The following RBFOX1 variants were observed in gnomAD, a reference collection of about 807,000 sequenced individuals.
The protein encoded by RBFOX1 is RNA binding fox-1 homolog 1.
Under a neutral mutation model 57.7 loss-of-function variants are expected in RBFOX1, and 8 were observed. The observed-to-expected ratio is 0.14, with a 90% CI of 0.08 to 0.25. RBFOX1 has a LOEUF of 0.25. RBFOX1 is among the 10% of genes least tolerant of loss of function. The pLI, the probability that RBFOX1 is intolerant of heterozygous loss-of-function variation, is 1.00. For missense variants in RBFOX1, 611 were observed against 548.5 expected (o/e 1.11, Z -1.14); for synonymous variants, 326 against 222.4 (o/e 1.47, Z -4.15).
chr16:6,634,225 C>T (rs1237827312), intron 2 of RBFOX1, among the ~76,000 whole-genome samples: 1 of 152,082 alleles, frequency 6.6e-6, no homozygotes, highest in Non-Finnish European at 1.5e-5. Context: ...ATTCACTCTT[C>T]CATTAAAAAA....
intron 11 of RBFOX1, among the ~76,000 whole-genome samples, chr16:7,641,522 A>G (rs1259733296): frequency 1.3e-5 from 2 of 152,228 alleles, no homozygotes; most frequent in Non-Finnish European, 2.9e-5. Flanking sequence ...TTTTGTTTGT[A>G]TGCAACATAG....
chr16:5,422,264 G>A (rs2067354796), intron 1 of RBFOX1, among the ~76,000 whole-genome samples: 1 of 139,384 alleles, frequency 7.2e-6, no homozygotes, highest in South Asian at 2.4e-4. Flanking sequence ...GGGAGGAGGA[G>A]CAGGGAGAGG....
In RBFOX1 at chr16:5,243,820, C is replaced by T. The variant is rs138015997; in HGVS notation, c.219+3715C>T. Among the ~76,000 whole-genome samples the T allele has an allele frequency of 2.2e-4, 33 of 152,244 alleles. No homozygotes were observed. In the East Asian group the frequency reaches 6.0e-3, roughly 28 times the overall value. The stretch of plus-strand genomic sequence containing the variant: ...CTATAAAATGGAGATAAATGAGATA[C>T]ACTTTCATAGGAAGGTTATATGGGA... On this transcript the variant is annotated intron_variant, in intron 1 of 2. Transcript: ENST00000585867.
intron 2 of RBFOX1, among the ~76,000 whole-genome samples, chr16:6,350,648 C>T (rs924363927): frequency 6.6e-6 from 1 of 152,144 alleles, no homozygotes; most frequent in Non-Finnish European, 1.5e-5. Flanking sequence ...TTTTAAATCA[C>T]TTCTCTGTTG....
intron 3 of RBFOX1, among the ~76,000 whole-genome samples, chr16:6,753,704 G>A (rs1338622519): frequency 6.8e-6 from 1 of 146,244 alleles, no homozygotes. Flanking sequence ...CCCTCCTCCT[G>A]TCTTGTGTCT....
intron 3 of RBFOX1, among the ~76,000 whole-genome samples, chr16:6,674,380 G>A (rs990953174): frequency 2.0e-5 from 3 of 151,720 alleles, no homozygotes; most frequent in Admixed American, 6.6e-5. Flanking sequence ...GGAGTGCAAT[G>A]GTGCGATCTC....
At chr16:6,947,985 G>A (rs550872999) in intron 3 of RBFOX1, among the ~76,000 whole-genome samples, 1 of 152,064 alleles carries the variant, frequency 6.6e-6, no homozygotes, top group Non-Finnish European at 1.5e-5. Flanking sequence ...TATCACGTTT[G>A]CCAGGTTGGT....
chr16:7,317,672 C>T (rs1258005897), intron 4 of RBFOX1, among the ~76,000 whole-genome samples: 1 of 152,284 alleles, frequency 6.6e-6, no homozygotes, highest in Non-Finnish European at 1.5e-5. Context: ...CCCGCTGCCT[C>T]CAGCCACAGG....
chr16:7,690,227 C>G (rs544608872), intron 14 of RBFOX1, among the ~76,000 whole-genome samples: 2 of 152,136 alleles, frequency 1.3e-5, no homozygotes, highest in African/African-American at 2.4e-5. Context: ...ATCACTGGCA[C>G]TCTCTTAACC....
chr16:6,673,155 A>C (rs776839723), intron 3 of RBFOX1, among the ~76,000 whole-genome samples: 1 of 152,182 alleles, frequency 6.6e-6, no homozygotes, highest in Non-Finnish European at 1.5e-5. Flanking sequence ...AGTGATGTCT[A>C]CACTTCCCAG....
chr16:7,043,333 T>C (rs1242782896), intron 3 of RBFOX1, among the ~76,000 whole-genome samples: 2 of 152,172 alleles, frequency 1.3e-5, no homozygotes, highest in Non-Finnish European at 2.9e-5. Flanking sequence ...TCCCCTGTCT[T>C]TTTTAAATAA....
chr16:6,743,510 G>A (rs1002071201), intron 3 of RBFOX1, among the ~76,000 whole-genome samples: 3 of 152,284 alleles, frequency 2.0e-5, no homozygotes, highest in East Asian at 3.9e-4. Context: ...GGGAGGCCAA[G>A]GCAGGAGGAT....
intron 3 of RBFOX1, among the ~76,000 whole-genome samples, chr16:6,766,482 A>G (rs1392575257): frequency 6.6e-6 from 1 of 151,678 alleles, no homozygotes; most frequent in African/African-American, 2.4e-5. Context: ...TAAATCTTTG[A>G]GGGGGAGAGG....
chr16:7,167,813 G>C (rs1024198453), intron 4 of RBFOX1, among the ~76,000 whole-genome samples: 1 of 151,984 alleles, frequency 6.6e-6, no homozygotes, highest in Non-Finnish European at 1.5e-5. Context: ...GAATAACTGC[G>C]ACAAAAACCA....
chr16:7,390,800 A>G (rs1247635303), intron 4 of RBFOX1, among the ~76,000 whole-genome samples: 2 of 152,298 alleles, frequency 1.3e-5, no homozygotes, highest in South Asian at 2.1e-4. Context: ...TTATAAGAAT[A>G]TGAATGTGCT....
At position 5,940,040 on chromosome 16, in the gene RBFOX1, C is replaced by T. The variant is rs552217359; in HGVS notation, c.351+72705C>T. Among the ~76,000 whole-genome samples the T allele has an allele frequency of 1.1e-4, 16 of 152,328 alleles. No individual in the cohort carries two copies. The South Asian group carries it at 3.3e-3, about 32-fold the overall frequency. On this transcript the variant is annotated intron_variant, in intron 4 of 19. Coordinates refer to the RBFOX1 transcript ENST00000641259. ...ATGCCATCTTCCTTACAGGATTATA[C>T]AGTCATAGTGAGTGCTAGGTAAATT... is the stretch of plus-strand genomic sequence containing the variant.
At chr16:5,273,263 G>A (rs1596359191) in intron 1 of RBFOX1, among the ~76,000 whole-genome samples, 1 of 147,332 alleles carries the variant, frequency 6.8e-6, no homozygotes. Context: ...CCATCCTTTT[G>A]CTTGGCAGGT....
chr16:5,883,166 C>G (rs139870426), intron 4 of RBFOX1, among the ~76,000 whole-genome samples: 4 of 152,162 alleles, frequency 2.6e-5, no homozygotes, highest in African/African-American at 9.6e-5. Context: ...GGTTATACAT[C>G]TCAGCTTCAC....
chr16:6,514,730 A>G (rs2096336665), intron 2 of RBFOX1, among the ~76,000 whole-genome samples: 1 of 152,094 alleles, frequency 6.6e-6, no homozygotes, highest in African/African-American at 2.4e-5. Flanking sequence ...AGTTTCTAGT[A>G]ATAATGGTAA....
Sources: allele counts gnomAD v4.1 joint callset (sites outside exome capture counted in the v4.1 genomes callset), GRCh38; gene constraint gnomAD v4.1.1; transcripts MANE v1.5; gene names NCBI Gene and HGNC (gene_info 2026-07-23, HGNC 2026-07-21).